ENOX1: variants seen among roughly 807,000 people sequenced by gnomAD.
ENOX1 encodes ecto-NOX disulfide-thiol exchanger 1, also known as candidate growth-related and time keeping constitutive hydroquinone (NADH) oxidase.
A neutral mutation model predicts 82.5 loss-of-function variants in ENOX1; 42 were observed. That is an observed-to-expected ratio of 0.51 (90% CI 0.40 to 0.66). The LOEUF is 0.66. Ranked by LOEUF, ENOX1 falls within the 30% of genes least tolerant of loss-of-function variation. The pLI is 0.00. For synonymous variants in ENOX1, 271 were observed against 282.2 expected, an observed-to-expected ratio of 0.96 and a Z score of 0.40; for missense variants, 608 against 811.6, an observed-to-expected ratio of 0.75 and a Z score of 3.05.
At chr13:43,592,910 C>T (rs2081306722) in intron 2 of ENOX1, among the ~76,000 whole-genome samples, 1 of 152,118 alleles carries the variant, frequency 6.6e-6, no homozygotes, top group African/African-American at 2.4e-5. Flanking sequence ...TATTCCTTTG[C>T]CAGATACCCA....
intron 10 of ENOX1, among the ~76,000 whole-genome samples, chr13:43,325,309 T>C (rs530376883): frequency 9.2e-5 from 14 of 152,344 alleles, no homozygotes; most frequent in African/African-American, 2.9e-4. Flanking sequence ...AACTAAAAAA[T>C]GTCCTTCTTA....
chr13:43,628,109 C>T (rs759149518), intron 2 of ENOX1, among the ~76,000 whole-genome samples: 2 of 151,928 alleles, frequency 1.3e-5, no homozygotes, highest in Non-Finnish European at 2.9e-5. Context: ...TTGGGGTTTC[C>T]TCAGCTTCTT....
intron 1 of ENOX1, among the ~76,000 whole-genome samples, chr13:43,685,827 C>T (rs1042148115): frequency 2.0e-5 from 3 of 148,596 alleles, no homozygotes; most frequent in Admixed American, 2.0e-4. Flanking sequence ...TAGCCCTCCT[C>T]AAGAATCTAA....
At chr13:43,299,670 C>G (rs2046466074) in intron 11 of ENOX1, among the ~76,000 whole-genome samples, 2 of 152,296 alleles carry the variant, frequency 1.3e-5, no homozygotes, top group South Asian at 4.1e-4. Context: ...CACATTCCCC[C>G]ACCAACTCTC....
At chr13:43,470,327 TATGTATATATATAC>T (rs1566306499) in intron 3 of ENOX1, among the ~76,000 whole-genome samples, 2 of 57,374 alleles carry the variant, frequency 3.5e-5, no homozygotes, top group Non-Finnish European at 3.4e-5. Flanking sequence ...CACATATATA[TATGTATATATATAC>T]GTATATATAT....
intron 11 of ENOX1, among the ~76,000 whole-genome samples, chr13:43,313,161 G>A (rs986050219): frequency 1.2e-4 from 19 of 152,098 alleles, no homozygotes; most frequent in Admixed American, 3.3e-4. Context: ...TTACGATCTT[G>A]GGTAAATAAC....
At chr13:43,469,507 A>C (rs1413112257) in intron 3 of ENOX1, among the ~76,000 whole-genome samples, 2 of 151,948 alleles carry the variant, frequency 1.3e-5, no homozygotes, top group Non-Finnish European at 2.9e-5. Context: ...TTTGAAAAAT[A>C]AAAATTTTAA....
chr13:43,293,293 A>G (rs996882231), intron 12 of ENOX1, among the ~76,000 whole-genome samples: 1 of 152,022 alleles, frequency 6.6e-6, no homozygotes, highest in Admixed American at 6.5e-5. Context: ...CATAGCTAAT[A>G]AGGCCACCAC....
chr13:43,400,142 A>G lies in ENOX1; in HGVS notation c.208+11774T>C, dbSNP rs539597658. Reference sequence around the variant, plus strand: ...TGTGCCTGCCTACTGGGAGGACACAACAGTGCTGGAGAAAACCACGCAGGG... The same window carrying G: ...TGTGCCTGCCTACTGGGAGGACACAGCAGTGCTGGAGAAAACCACGCAGGG... On this transcript the variant is annotated intron_variant, in intron 5 of 16. Transcript: ENST00000690772. 2.6e-4 allele frequency among the ~76,000 whole-genome samples: 40 copies of G among 152,184 alleles called. No homozygotes were observed. In the South Asian group the frequency reaches 8.1e-3, roughly 31 times the overall value.
chr13:43,700,825 C>A (rs1202813338), intron 1 of ENOX1, among the ~76,000 whole-genome samples: 1 of 151,970 alleles, frequency 6.6e-6, no homozygotes, highest in East Asian at 1.9e-4. Flanking sequence ...AAAGAAAAAC[C>A]TCAGCTATTC....
chr13:43,550,368 A>G (rs2079143016), intron 2 of ENOX1, among the ~76,000 whole-genome samples: 2 of 152,208 alleles, frequency 1.3e-5, no homozygotes, highest in African/African-American at 4.8e-5. Flanking sequence ...GCTATTGCTC[A>G]TTCAACACGG....
At chr13:43,738,341 G>A (rs904755699) in intron 1 of ENOX1, among the ~76,000 whole-genome samples, 8 of 152,202 alleles carry the variant, frequency 5.3e-5, no homozygotes, top group African/African-American at 9.6e-5. Context: ...GTTCTCTGAC[G>A]TTAAATGAAT....
chr13:43,526,041 T>C (rs1326583831), intron 2 of ENOX1, among the ~76,000 whole-genome samples: 1 of 152,170 alleles, frequency 6.6e-6, no homozygotes, highest in African/African-American at 2.4e-5. Context: ...ATGGTGCCTG[T>C]TGATTTGATC....
intron 2 of ENOX1, among the ~76,000 whole-genome samples, chr13:43,565,884 T>C (rs999788505): frequency 1.3e-5 from 2 of 152,144 alleles, no homozygotes; most frequent in Non-Finnish European, 2.9e-5. Context: ...TCCCTTAGGA[T>C]CATTCTGAAA....
intron 12 of ENOX1, among the ~76,000 whole-genome samples, chr13:43,288,254 A>T (rs939229415): frequency 7.2e-5 from 11 of 152,260 alleles, no homozygotes; most frequent in African/African-American, 2.2e-4. Flanking sequence ...AATCTGAGAG[A>T]TGTACATGTT....
chr13:43,220,660 C>G (rs930404455), intron 16 of ENOX1, among the ~76,000 whole-genome samples: 3 of 151,872 alleles, frequency 2.0e-5, no homozygotes, highest in Non-Finnish European at 4.4e-5. Flanking sequence ...GGTGCACAGC[C>G]TTTTTTTTGT....
At chr13:43,580,234 T>A (rs1039800836) in intron 2 of ENOX1, among the ~76,000 whole-genome samples, 3 of 152,236 alleles carry the variant, frequency 2.0e-5, no homozygotes, top group East Asian at 1.9e-4. Context: ...ACTTTAATAT[T>A]TATGTTAACT....
At chr13:43,784,428 C>T (rs772692313) in intron 1 of ENOX1, among the ~76,000 whole-genome samples, 11 of 152,194 alleles carry the variant, frequency 7.2e-5, no homozygotes, top group Non-Finnish European at 1.3e-4. Context: ...GTCCTCCAGT[C>T]AGAAAAGCAA....
intron 5 of ENOX1, among the ~76,000 whole-genome samples, chr13:43,378,663 G>C (rs1186099619): frequency 6.6e-6 from 1 of 152,050 alleles, no homozygotes; most frequent in Non-Finnish European, 1.5e-5. Context: ...TTAAAAGCAA[G>C]CCTCAAAAGG....
Sources: gnomAD v4.1 joint callset for allele counts (sites outside exome capture counted in the v4.1 genomes callset) on GRCh38, gnomAD v4.1.1 for gene constraint, MANE v1.5 for transcripts, NCBI Gene and HGNC (gene_info 2026-07-23, HGNC 2026-07-21) for gene names.